YEATS2: variants seen among roughly 807,000 people sequenced by gnomAD.
The protein encoded by YEATS2 is YEATS domain containing 2.
Under a neutral mutation model 163.2 loss-of-function variants are expected in YEATS2, and 77 were observed. That is an observed-to-expected ratio of 0.47 (90% CI 0.39 to 0.57). The LOEUF (loss-of-function observed/expected upper bound fraction) is 0.57. YEATS2 is among the 20% of genes least tolerant of loss of function. The pLI, the probability that YEATS2 is intolerant of heterozygous loss-of-function variation, is 0.00. For missense variants in YEATS2, 1,549 were observed against 1,729.8 expected (o/e 0.90, Z 1.85); for synonymous variants, 631 against 645.1 (o/e 0.98, Z 0.33).
chr3:183,738,491 C>T (rs548539466), intron 8 of YEATS2, among the ~76,000 whole-genome samples: 11 of 136,624 alleles, frequency 8.1e-5, no homozygotes, highest in South Asian at 7.1e-4. Flanking sequence ...CATACTGGTG[C>T]GCTGCACCCA....
intron 27 of YEATS2, among the ~76,000 whole-genome samples, chr3:183,805,273 C>T (rs1217352296): frequency 2.0e-5 from 3 of 151,896 alleles, no homozygotes; most frequent in Admixed American, 6.6e-5. Flanking sequence ...TGGTAGCTCG[C>T]CTGTAGTCCC....
intron 19 of YEATS2, among the ~76,000 whole-genome samples, chr3:183,780,238 A>G (rs1228608687): frequency 6.6e-6 from 1 of 152,050 alleles, no homozygotes; most frequent in Non-Finnish European, 1.5e-5. Flanking sequence ...AGCAAGCACC[A>G]CAGGAAGGAG....
At chr3:183,746,455 C>T (rs1036950260) in intron 8 of YEATS2, among the ~76,000 whole-genome samples, 17 of 152,188 alleles carry the variant, frequency 1.1e-4, no homozygotes, top group Admixed American at 7.2e-4. Context: ...ATCATTTCTA[C>T]TCCAGGCAAA....
intron 20 of YEATS2, among the ~76,000 whole-genome samples, chr3:183,789,998 A>G (rs567191779): frequency 6.6e-6 from 1 of 152,214 alleles, no homozygotes; most frequent in Admixed American, 6.5e-5. Flanking sequence ...CTCAAGCTTC[A>G]TCTCCTGCAG....
chr3:183,722,510 C>T lies in YEATS2; in HGVS notation c.537+374C>T, dbSNP rs575238487. On this transcript the variant is annotated intron_variant, in intron 5 of 30. Coordinates refer to ENST00000305135, the MANE Select transcript of YEATS2 (RefSeq NM_018023.5). ...TTCACCGTGTTAGCCAGGATGGTCT[C>T]GATCTCCTGACCTCGTGATCTTCCC... Among the ~76,000 whole-genome samples the T allele has an allele frequency of 6.6e-5, 10 of 152,172 alleles. No individual in the cohort carries two copies. The East Asian group carries it at 9.7e-4, about 15-fold the overall frequency.
Position 183,775,964 on chromosome 3 carries a change from AGG to A in YEATS2, c.2419_2420del (p.Gly807ArgfsTer120). On this transcript the variant is annotated frameshift_variant, in exon 18 of 31. Transcript: ENST00000305135. LOFTEE classifies it high-confidence loss of function. The stretch of plus-strand genomic sequence containing the variant: ...GTGGTGGGAGTGGTGCCGGAGGAGG[AGG>A]AGGAGGAGGAGGAGGAGGCGGCAGT... ...ASGGSGAGGG[G>X]GGGGGGGSGS... is the part of the protein sequence containing the mutation. The A allele has an allele frequency of 6.3e-7, 1 of 1,586,780 alleles. No homozygotes were observed. Among genetic ancestry groups the A allele is most frequent in the South Asian group, 1.1e-5 (1 of 89,154 alleles).
intron 27 of YEATS2, chr3:183,806,271 T>C (rs1726186641): frequency 2.2e-6 from 1 of 455,788 alleles, no homozygotes; most frequent in Admixed American, 2.4e-5. Flanking sequence ...TAGAGCCCAG[T>C]CAGTAAAACA....
chr3:183,726,603 G>A (rs1193667041), intron 6 of YEATS2, among the ~76,000 whole-genome samples: 4 of 152,110 alleles, frequency 2.6e-5, no homozygotes, highest in African/African-American at 9.7e-5. Flanking sequence ...TGATTGGCTA[G>A]GATTCTAACT....
At chr3:183,759,072 T>G in intron 13 of YEATS2, 107 bp downstream of exon 13, 1 of 734,790 alleles carries the variant, frequency 1.4e-6, no homozygotes, top group Non-Finnish European at 2.1e-6. Context: ...AACCAGGCTG[T>G]ATCGAACTCC....
intron 7 of YEATS2, among the ~76,000 whole-genome samples, chr3:183,731,851 C>T (rs1717818418): frequency 6.6e-6 from 1 of 152,230 alleles, no homozygotes; most frequent in Non-Finnish European, 1.5e-5. Context: ...TGCTGTGCCA[C>T]GCCTGAGCAG....
intron 19 of YEATS2, among the ~76,000 whole-genome samples, chr3:183,785,882 A>G (rs1428711646): frequency 1.3e-5 from 2 of 152,218 alleles, no homozygotes; most frequent in Non-Finnish European, 2.9e-5. Context: ...CTGCTGCCAA[A>G]TAGTAACTTG....
At chr3:183,810,346 G>T in intron 30 of YEATS2, 129 bp from the exon 31 acceptor site, 1 of 765,162 alleles carries the variant, frequency 1.3e-6, no homozygotes, top group East Asian at 2.7e-5. Flanking sequence ...CCTAAGCTAT[G>T]TCTGTGGCTC....
At chr3:183,797,863 T>TA in intron 21 of YEATS2, 60 bp from the exon 22 acceptor site, 1 of 1,607,720 alleles carries the variant, frequency 6.2e-7, no homozygotes, top group African/African-American at 1.3e-5. Context: ...GCACAGAGGA[T>TA]AAGAGACTTT....
At position 183,810,766 on chromosome 3, in the gene YEATS2, G is replaced by A. The variant is rs1014829597; in HGVS notation, c.*183G>A. 29 of 582,018 alleles carry A rather than the reference G, an allele frequency of 5.0e-5. No individual in the cohort carries two copies. The highest frequency in any genetic ancestry group is 2.0e-4 in the South Asian group (10 of 50,634). 36.1% of individuals were successfully genotyped at this position (582,018 alleles called of 1,614,324 possible). A position where few individuals can be genotyped will look rare whatever the true frequency, so the allele number is the denominator to read the frequency against. The stretch of plus-strand genomic sequence containing the variant: ...TGCACTCCAGATGAAATCCTCCTAG[G>A]ACAGGAGTTTGTTTCCTGAGTGTGG... On this transcript the variant is annotated 3_prime_UTR_variant, in exon 31 of 31. Transcript: ENST00000305135.
intron 7 of YEATS2, among the ~76,000 whole-genome samples, chr3:183,729,631 A>G (rs1717500715): frequency 6.6e-6 from 1 of 151,840 alleles, no homozygotes; most frequent in Non-Finnish European, 1.5e-5. Context: ...ATGATTATAT[A>G]TATTGTTGTG....
At chr3:183,798,307 G>C (rs1165278657) in intron 22 of YEATS2, among the ~76,000 whole-genome samples, 3 of 152,148 alleles carry the variant, frequency 2.0e-5, no homozygotes, top group Non-Finnish European at 4.4e-5. Flanking sequence ...AGTTGAGGGG[G>C]AACATTTTAA....
chr3:183,804,239 G>A (rs1725966615), intron 27 of YEATS2, 51 bp downstream of exon 27: 1 of 1,606,788 alleles, frequency 6.2e-7, no homozygotes, highest in Non-Finnish European at 8.5e-7. Flanking sequence ...GGAGGCATTT[G>A]CTGAGGTAGA....
At chr3:183,796,990 C>G (rs1725209482) in intron 21 of YEATS2, among the ~76,000 whole-genome samples, 1 of 152,162 alleles carries the variant, frequency 6.6e-6, no homozygotes, top group South Asian at 2.1e-4. Context: ...CAGTGCTGGC[C>G]AGGCGCGGTA....
chr3:183,729,537 T>C (rs1717491072), intron 7 of YEATS2, among the ~76,000 whole-genome samples: 1 of 152,212 alleles, frequency 6.6e-6, no homozygotes, highest in Admixed American at 6.5e-5. Flanking sequence ...TCTCACTCTC[T>C]TAGAAGTAAC....
Sources: gnomAD v4.1 joint callset for allele counts (sites outside exome capture counted in the v4.1 genomes callset) on GRCh38, gnomAD v4.1.1 for gene constraint, MANE v1.5 for transcripts, NCBI Gene and HGNC (gene_info 2026-07-23, HGNC 2026-07-21) for gene names.